DCAF6: variants seen among roughly 807,000 people sequenced by gnomAD.
The protein encoded by DCAF6 is DDB1- and CUL4-associated factor 6.
A neutral mutation model predicts 125.1 loss-of-function variants in DCAF6; 54 were observed. That is an observed-to-expected ratio of 0.43 (90% CI 0.35 to 0.54). The LOEUF (loss-of-function observed/expected upper bound fraction) is 0.54. Ranked by LOEUF, DCAF6 falls within the 20% of genes least tolerant of loss-of-function variation. The probability of loss-of-function intolerance (pLI) is 0.01; values close to 1 mark genes in which losing one functional copy is unlikely to be tolerated. For synonymous variants in DCAF6, 371 were observed against 390.4 expected, an observed-to-expected ratio of 0.95 and a Z score of 0.58; for missense variants, 934 against 1,161.7, an observed-to-expected ratio of 0.80 and a Z score of 2.85.
the DCAF6 span, chr1:167,918,141 T>C: frequency 5.0e-5 from 25 of 496,320 alleles, no homozygotes; most frequent in East Asian, 7.8e-4. Context: ...ATAAGTTCCT[T>C]AAGTCATGTA....
chr1:167,975,369 TA>T (rs948292359), intron 4 of DCAF6, among the ~76,000 whole-genome samples: 1 of 152,190 alleles, frequency 6.6e-6, no homozygotes, highest in African/African-American at 2.4e-5. Flanking sequence ...CTTGCTTGTG[TA>T]AAGTCATAGC....
upstream of DCAF6, among the ~76,000 whole-genome samples, chr1:167,934,918 T>C (rs1190373808): frequency 1.3e-5 from 2 of 152,166 alleles, no homozygotes; most frequent in Non-Finnish European, 2.9e-5. Context: ...GATTGGAATC[T>C]TTCAGTTTCT....
intron 12 of DCAF6, among the ~76,000 whole-genome samples, chr1:168,028,273 C>T (rs1053209235): frequency 6.6e-6 from 1 of 152,034 alleles, no homozygotes; most frequent in South Asian, 2.1e-4. Context: ...AGCAATTTCC[C>T]CCTTATTTTA....
intron 16 of DCAF6, 46 bp downstream of exon 16, chr1:168,045,273 CA>C: frequency 6.7e-7 from 1 of 1,498,912 alleles, no homozygotes; most frequent in Non-Finnish European, 8.9e-7. Flanking sequence ...ATGTATTTCA[CA>C]AGGATTTGTT....
chr1:168,041,868 G>T (rs1688573341), intron 13 of DCAF6, among the ~76,000 whole-genome samples: 1 of 139,354 alleles, frequency 7.2e-6, no homozygotes. Flanking sequence ...TTCCTTTCTG[G>T]TTTAAAAGAA....
the DCAF6 span, among the ~76,000 whole-genome samples, chr1:167,914,844 C>T: frequency 2.6e-5 from 4 of 152,178 alleles, no homozygotes; most frequent in South Asian, 2.1e-4. Flanking sequence ...TATAAAGCCC[C>T]GCTCTGTAAT....
At chr1:168,052,808 T>C (rs1187803340) in intron 17 of DCAF6, among the ~76,000 whole-genome samples, 2 of 152,218 alleles carry the variant, frequency 1.3e-5, no homozygotes, top group African/African-American at 4.8e-5. Flanking sequence ...TATTACCTCA[T>C]CACCTCTTAC....
chr1:168,063,217 GTTTCT>G (rs1219639499), intron 17 of DCAF6, among the ~76,000 whole-genome samples: 1 of 151,954 alleles, frequency 6.6e-6, no homozygotes, highest in Non-Finnish European at 1.5e-5. Context: ...ATTACCTTTA[GTTTCT>G]TTTCATTTCT....
At chr1:167,890,343 G>T in the DCAF6 span, among the ~76,000 whole-genome samples, 1 of 152,178 alleles carries the variant, frequency 6.6e-6, no homozygotes, top group Non-Finnish European at 1.5e-5. Flanking sequence ...ATAAGATCCA[G>T]AAGAATTCTC....
At chr1:167,972,449 A>G (rs1571737650) in intron 3 of DCAF6, among the ~76,000 whole-genome samples, 1 of 152,224 alleles carries the variant, frequency 6.6e-6, no homozygotes, top group African/African-American at 2.4e-5. Context: ...ATTTTTGTGG[A>G]CAGTCACTGT....
the DCAF6 span, chr1:167,875,192 G>A: frequency 1.1e-5 from 18 of 1,613,858 alleles, no homozygotes; most frequent in Middle Eastern, 1.6e-4. Context: ...ACATGCTGAA[G>A]AGAAGAACAA....
At chr1:168,036,249 T>G (rs1687790616) in intron 12 of DCAF6, among the ~76,000 whole-genome samples, 1 of 152,202 alleles carries the variant, frequency 6.6e-6, no homozygotes, top group African/African-American at 2.4e-5. Flanking sequence ...AGCATGTAGA[T>G]ATCTATAACT....
chr1:168,044,878 A>C, intron 15 of DCAF6, 22 bp from the exon 16 acceptor site: 2 of 1,609,024 alleles, frequency 1.2e-6, no homozygotes, highest in East Asian at 4.5e-5. Context: ...CACCTGTTAC[A>C]TACAACTTTA....
intron 5 of DCAF6, 32 bp downstream of exon 5, chr1:167,987,640 GA>G (rs751180148): frequency 9.7e-6 from 11 of 1,135,696 alleles, no homozygotes; most frequent in Non-Finnish European, 1.2e-5. Context: ...AAATGATGCA[GA>G]AAAAATTAAG....
chr1:168,071,365 A>G (rs1263384279), intron 21 of DCAF6, among the ~76,000 whole-genome samples: 1 of 152,238 alleles, frequency 6.6e-6, no homozygotes, highest in Non-Finnish European at 1.5e-5. Context: ...GCACTTTGGG[A>G]GGCTGAGGCA....
chr1:168,036,795 G>A (rs1219786010), intron 12 of DCAF6, among the ~76,000 whole-genome samples: 1 of 152,084 alleles, frequency 6.6e-6, no homozygotes, highest in Non-Finnish European at 1.5e-5. Context: ...TTTGACAGTT[G>A]GAATGGGTTA....
chr1:167,902,010 C>A, the DCAF6 span: 1 of 1,613,820 alleles, frequency 6.2e-7, no homozygotes. Flanking sequence ...TAGTAAGCCC[C>A]CATACCTGCA....
intron 20 of DCAF6, among the ~76,000 whole-genome samples, chr1:168,067,900 C>T (rs1692548181): frequency 6.6e-6 from 1 of 152,044 alleles, no homozygotes. Context: ...TAACCCTTGC[C>T]CAAAAATTTA....
At chr1:168,029,615 C>T (rs995531059) in intron 12 of DCAF6, among the ~76,000 whole-genome samples, 3 of 152,178 alleles carry the variant, frequency 2.0e-5, no homozygotes, top group African/African-American at 7.2e-5. Flanking sequence ...ATCCTTACCA[C>T]AACCATATGT....
Sources: gnomAD v4.1 joint callset for allele counts (sites outside exome capture counted in the v4.1 genomes callset) on GRCh38, gnomAD v4.1.1 for gene constraint, MANE v1.5 for transcripts, NCBI Gene and HGNC (gene_info 2026-07-23, HGNC 2026-07-21) for gene names.